Variants in EPHA6 observed in about 807,000 individuals in gnomAD.
The protein encoded by EPHA6 is EPH receptor A6, also known as ephrin type-A receptor 6.
EPHA6 carries 50 observed loss-of-function variants against 112.0 expected under a neutral mutation model. The ratio of observed to expected loss-of-function variants is 0.45; its 90% CI spans 0.36 to 0.56. The LOEUF is 0.56. Among genes scored for constraint, EPHA6 ranks in the 20% least tolerant of loss-of-function variants. The pLI is 0.00. For missense variants in EPHA6, 1,280 were observed against 1,417.4 expected, an observed-to-expected ratio of 0.90 and a Z score of 1.56; for synonymous variants, 529 against 490.7, an observed-to-expected ratio of 1.08 and a Z score of -1.03.
intron 12 of EPHA6, among the ~76,000 whole-genome samples, chr3:97,610,421 T>G (rs1403548273): frequency 6.6e-6 from 1 of 151,702 alleles, no homozygotes; most frequent in Non-Finnish European, 1.5e-5. Flanking sequence ...GTACCACAAC[T>G]GCAAAAGCAG....
At chr3:97,326,383 C>T (rs528458789) in intron 5 of EPHA6, among the ~76,000 whole-genome samples, 41 of 151,350 alleles carry the variant, frequency 2.7e-4, no homozygotes, top group Admixed American at 4.6e-4. Flanking sequence ...TTCTTCTTTT[C>T]GGCATACTGG....
At chr3:97,010,010 C>T (rs755308855) in intron 3 of EPHA6, 2 of 1,105,058 alleles carry the variant, frequency 1.8e-6, no homozygotes, top group South Asian at 2.6e-5. Context: ...ATAGGAGCCT[C>T]CAAAGGCCGC....
rs1453922951 is a variant in EPHA6, at chr3:97,516,562, CTA to C, written c.2201-15794_2201-15793del. On this transcript the variant is annotated intron_variant, in intron 10 of 17. Coordinates refer to ENST00000389672, the MANE Select transcript of EPHA6 (RefSeq NM_001080448.3). ...GCACTGAATACAGTCAGATGGGTGACTATCCAGATAACATTAATAATAACGGA... is the reference window on the plus strand; with the variant it reads ...GCACTGAATACAGTCAGATGGGTGACTCCAGATAACATTAATAATAACGGA... 3.3e-5 allele frequency among the ~76,000 whole-genome samples: 5 copies of C among 152,272 alleles called. No individual in the cohort carries two copies. The East Asian group carries it at 9.6e-4, about 29-fold the overall frequency.
At chr3:97,714,288 C>T (rs1480801920) in intron 14 of EPHA6, among the ~76,000 whole-genome samples, 1 of 152,212 alleles carries the variant, frequency 6.6e-6, no homozygotes, top group African/African-American at 2.4e-5. Context: ...TGTACCATCT[C>T]ATTTAATCCA....
chr3:97,359,921 T>G (rs1045434003), intron 5 of EPHA6, among the ~76,000 whole-genome samples: 7 of 152,200 alleles, frequency 4.6e-5, no homozygotes, highest in Admixed American at 6.5e-5. Flanking sequence ...CTTTTGTGCT[T>G]TTCAATCTTT....
At chr3:97,055,825 GA>G (rs2045833637) in intron 3 of EPHA6, among the ~76,000 whole-genome samples, 1 of 151,978 alleles carries the variant, frequency 6.6e-6, no homozygotes, top group Non-Finnish European at 1.5e-5. Context: ...TGACAATAAT[GA>G]AAAGCTTAGT....
chr3:96,892,954 ATGTGTGTG>A (rs144428670), intron 2 of EPHA6, among the ~76,000 whole-genome samples: 1 of 132,324 alleles, frequency 7.6e-6, no homozygotes, highest in African/African-American at 2.7e-5. Flanking sequence ...ATATATATAT[ATGTGTGTG>A]TGTGTGTGTG....
At chr3:97,633,086 T>C (rs1020244880) in intron 13 of EPHA6, among the ~76,000 whole-genome samples, 21 of 152,092 alleles carry the variant, frequency 1.4e-4, no homozygotes, top group Non-Finnish European at 2.1e-4. Flanking sequence ...GGTTACCACA[T>C]AGACAATGCG....
At chr3:97,128,947 C>G (rs1375588216) in intron 3 of EPHA6, among the ~76,000 whole-genome samples, 5 of 147,826 alleles carry the variant, frequency 3.4e-5, no homozygotes, top group Non-Finnish European at 7.4e-5. Flanking sequence ...AACCTCAGCT[C>G]TCTGCATCCC....
intron 2 of EPHA6, among the ~76,000 whole-genome samples, chr3:96,971,243 T>G (rs2042307198): frequency 6.6e-6 from 1 of 152,074 alleles, no homozygotes; most frequent in Non-Finnish European, 1.5e-5. Context: ...TATAATATTT[T>G]AATCTTGTTA....
chr3:97,743,715 A>G (rs1462524930), intron 16 of EPHA6, among the ~76,000 whole-genome samples: 2 of 152,116 alleles, frequency 1.3e-5, no homozygotes, highest in Non-Finnish European at 2.9e-5. Flanking sequence ...GTTAGAGTGC[A>G]AGAGAAGAAA....
At chr3:97,263,039 T>A (rs934536275) in intron 5 of EPHA6, among the ~76,000 whole-genome samples, 4 of 152,358 alleles carry the variant, frequency 2.6e-5, no homozygotes, top group African/African-American at 9.6e-5. Context: ...TAAAACTAGC[T>A]ATAAATGTCA....
intron 2 of EPHA6, among the ~76,000 whole-genome samples, chr3:96,986,321 A>T (rs2043020580): frequency 6.6e-6 from 1 of 152,164 alleles, no homozygotes; most frequent in South Asian, 2.1e-4. Flanking sequence ...TAATCCAGTG[A>T]TCTAGCTCAG....
intron 2 of EPHA6, among the ~76,000 whole-genome samples, chr3:96,970,701 C>A (rs146285396): frequency 2.6e-5 from 4 of 152,078 alleles, no homozygotes; most frequent in South Asian, 2.1e-4. Context: ...GAAAAGACAA[C>A]GTCCTTGTCC....
chr3:97,533,770 A>G (rs2107652667), intron 11 of EPHA6, among the ~76,000 whole-genome samples: 1 of 152,212 alleles, frequency 6.6e-6, no homozygotes, highest in African/African-American at 2.4e-5. Flanking sequence ...ATGAGGCCAC[A>G]TGCAGTACTC....
At chr3:97,221,949 G>A (rs900799027) in intron 3 of EPHA6, among the ~76,000 whole-genome samples, 1 of 151,028 alleles carries the variant, frequency 6.6e-6, no homozygotes, top group East Asian at 2.0e-4. Context: ...AGAATTGCTT[G>A]ATCTGGGTGC....
intron 2 of EPHA6, among the ~76,000 whole-genome samples, chr3:96,903,540 C>G (rs956197486): frequency 3.3e-5 from 5 of 152,088 alleles, no homozygotes; most frequent in Non-Finnish European, 7.4e-5. Context: ...TTAAACTTTA[C>G]TATAAAGTTT....
chr3:97,665,077 G>C (rs1420257804), intron 14 of EPHA6, among the ~76,000 whole-genome samples: 3 of 152,220 alleles, frequency 2.0e-5, no homozygotes, highest in African/African-American at 7.2e-5. Context: ...TCTACTACAA[G>C]GCTACAGTAA....
intron 5 of EPHA6, among the ~76,000 whole-genome samples, chr3:97,264,365 G>T (rs2079602483): frequency 6.6e-6 from 1 of 152,268 alleles, no homozygotes; most frequent in Non-Finnish European, 1.5e-5. Context: ...CCACAGGACA[G>T]GCAGCTCCAG....
Sources: gnomAD v4.1 joint callset for allele counts (sites outside exome capture counted in the v4.1 genomes callset) on GRCh38, gnomAD v4.1.1 for gene constraint, MANE v1.5 for transcripts, NCBI Gene and HGNC (gene_info 2026-07-23, HGNC 2026-07-21) for gene names.